The following MYCBP2 variants were observed in gnomAD, a reference collection of about 807,000 sequenced individuals.
MYCBP2 encodes MYC binding protein 2, also known as E3 ubiquitin-protein ligase MYCBP2.
MYCBP2 carries 120 observed loss-of-function variants against 525.3 expected under a neutral mutation model. The observed-to-expected ratio is 0.23, with a 90% CI of 0.20 to 0.27. The LOEUF is 0.27. Ranked by LOEUF, MYCBP2 falls within the 10% of genes least tolerant of loss-of-function variation. MYCBP2 has a pLI of 1.00. For synonymous variants in MYCBP2, 1,894 were observed against 1,955.8 expected (o/e 0.97, Z 0.83); for missense variants, 4,149 against 5,657.1 (o/e 0.73, Z 8.55).
In MYCBP2 at chr13:77,270,548, A is replaced by T. The variant is rs1199896762; in HGVS notation, c.946-10T>A. ...TTAGAATTGTTGGCACCTAATCAAA[A>T]GAGAAGAAAAATAATGAAAAAACAT... On this transcript the variant is annotated splice_polypyrimidine_tract_variant and intron_variant, in intron 5 of 82. Transcript: ENST00000544440. The T allele has an allele frequency of 1.9e-6, 3 of 1,580,504 alleles. No homozygotes were observed.
intron 1 of MYCBP2, among the ~76,000 whole-genome samples, chr13:77,303,612 T>C (rs2079053312): frequency 6.6e-6 from 1 of 151,754 alleles, no homozygotes; most frequent in African/African-American, 2.4e-5. Flanking sequence ...ACAAGACTTC[T>C]AAATAAACTA....
At chr13:77,104,456 T>A (rs1177229399) in intron 55 of MYCBP2, among the ~76,000 whole-genome samples, 2 of 152,046 alleles carry the variant, frequency 1.3e-5, no homozygotes, top group Non-Finnish European at 2.9e-5. Flanking sequence ...TAAGTATACA[T>A]CACATCAGGT....
intron 17 of MYCBP2, among the ~76,000 whole-genome samples, chr13:77,234,221 GTT>G (rs1260403823): frequency 6.6e-6 from 1 of 151,614 alleles, no homozygotes. Flanking sequence ...GTTTCCTTGA[GTT>G]TTAACAACAT....
chr13:77,279,532 T>C (rs1228151463), intron 3 of MYCBP2, among the ~76,000 whole-genome samples: 1 of 152,180 alleles, frequency 6.6e-6, no homozygotes, highest in Admixed American at 6.6e-5. Flanking sequence ...AAATTCCATT[T>C]CTCAGGCAAT....
At position 77,326,937 on chromosome 13, in the gene MYCBP2, T is replaced by C; in HGVS notation, c.-162A>G. ...GACAGCGACCTCCTTCTCCTCCTCC[T>C]TCTTCTCCTCCTCCCCCCCGCGCCG... On this transcript the variant is annotated 5_prime_UTR_variant, in exon 1 of 83. Transcript: ENST00000544440. This position sits in a 1 kb window ranked among gnomAD's most constrained non-coding sequence, Gnocchi z 4.2. 1.7e-6 allele frequency: 1 copy of C among 573,168 alleles called. No individual in the cohort carries two copies. The highest frequency in any genetic ancestry group is 2.7e-6 in the Non-Finnish European group (1 of 373,882). The allele number at this position is 573,168 out of a possible 1,614,324, so 35.5% of individuals were successfully genotyped here. A position where few individuals can be genotyped will look rare whatever the true frequency, so the allele number is the denominator to read the frequency against.
intron 14 of MYCBP2, among the ~76,000 whole-genome samples, chr13:77,256,356 T>C (rs1464076384): frequency 2.6e-5 from 4 of 152,078 alleles, no homozygotes; most frequent in Non-Finnish European, 5.9e-5. Flanking sequence ...TCAAAGATGC[T>C]AAGCCAAAGA....
chr13:77,191,886 C>T (rs2061332933), intron 27 of MYCBP2, 73 bp from the exon 28 acceptor site: 1 of 1,425,114 alleles, frequency 7.0e-7, no homozygotes, highest in Non-Finnish European at 9.6e-7. Context: ...TTTTCAAAAT[C>T]CCTTGTGAAC....
intron 47 of MYCBP2, among the ~76,000 whole-genome samples, chr13:77,146,464 T>A (rs1417319330): frequency 6.7e-6 from 1 of 148,710 alleles, no homozygotes; most frequent in African/African-American, 2.5e-5. Flanking sequence ...ATCTTTTGAG[T>A]ACATTAAAAT....
chr13:77,296,716 A>G (rs2078225853), intron 1 of MYCBP2, 42 bp from the exon 2 acceptor site: 1 of 1,228,546 alleles, frequency 8.1e-7, no homozygotes, highest in Non-Finnish European at 1.1e-6. Context: ...ATGAATGTTC[A>G]TATTAGGACA....
intron 72 of MYCBP2, 45 bp downstream of exon 72, chr13:77,065,947 C>T: frequency 6.9e-7 from 1 of 1,450,180 alleles, no homozygotes; most frequent in Non-Finnish European, 9.6e-7. Flanking sequence ...TTTGTGTCAG[C>T]TTCCTGCCGC....
intron 47 of MYCBP2, among the ~76,000 whole-genome samples, chr13:77,148,855 T>C (rs933143821): frequency 2.0e-5 from 3 of 152,136 alleles, no homozygotes; most frequent in Non-Finnish European, 4.4e-5. Context: ...ATTACTGTTT[T>C]AAATAATTCC....
At chr13:77,238,495 C>T (rs1270150289) in intron 17 of MYCBP2, among the ~76,000 whole-genome samples, 1 of 152,020 alleles carries the variant, frequency 6.6e-6, no homozygotes, top group African/African-American at 2.4e-5. Flanking sequence ...TTCAAGAGCC[C>T]TACTTAAGAA....
chr13:77,140,262 A>G (rs2054399132), intron 50 of MYCBP2, 99 bp from the exon 51 acceptor site: 1 of 668,130 alleles, frequency 1.5e-6, no homozygotes, highest in African/African-American at 1.8e-5. Context: ...AAGTATCGTA[A>G]TTCTTAATAA....
chr13:77,225,616 T>G, intron 18 of MYCBP2, 62 bp from the exon 19 acceptor site: 1 of 1,589,148 alleles, frequency 6.3e-7, no homozygotes, highest in Non-Finnish European at 8.6e-7. Flanking sequence ...AATAAAAATT[T>G]AAATCAGTTT....
intron 4 of MYCBP2, 69 bp from the exon 5 acceptor site, chr13:77,273,737 T>A (rs890653606): frequency 8.3e-6 from 10 of 1,203,136 alleles, no homozygotes; most frequent in Middle Eastern, 2.8e-4. Context: ...TATTTATTTA[T>A]TTTTACTTTG....
chr13:77,321,201 A>G (rs1384073523), intron 1 of MYCBP2, among the ~76,000 whole-genome samples: 1 of 152,260 alleles, frequency 6.6e-6, no homozygotes, highest in African/African-American at 2.4e-5. Flanking sequence ...ATTAAAGGAC[A>G]AAAGTATTTT....
chr13:77,063,586 AC>A (rs2039705532), intron 73 of MYCBP2, among the ~76,000 whole-genome samples: 1 of 149,548 alleles, frequency 6.7e-6, no homozygotes, highest in African/African-American at 2.5e-5. Flanking sequence ...AAAAAAGACA[AC>A]TGTTTTCAGA....
rs777913902 is a variant in MYCBP2 at position 77,098,553 on chromosome 13, T to A, written c.8601A>T (p.Glu2867Asp). 1 of 1,613,664 alleles carries A rather than the reference T, an allele frequency of 6.2e-7. No individual in the cohort carries two copies. The highest frequency in any genetic ancestry group is 8.5e-7 in the Non-Finnish European group (1 of 1,179,806). Residue 2867 changes from glutamate (E) to aspartate (D), a missense_variant, in exon 56 of 83, where the codon GAA (glutamate) becomes GAT (aspartate). By Grantham distance (45) the Glu-to-Asp change is conservative (BLOSUM62 2). Coordinates refer to ENST00000544440, the MANE Select transcript of MYCBP2 (RefSeq NM_015057.5). ...PVKTKLDPPR[E>D]RSKSDSYTLD... is the part of the protein sequence containing the mutation. ...GTGTGTAAGAGTCTGATTTAGAACG[T>A]TCCCGAGGAGGATCAAGCTTTGTCT...
intron 47 of MYCBP2, among the ~76,000 whole-genome samples, chr13:77,146,981 A>G (rs2055693141): frequency 1.3e-5 from 2 of 152,176 alleles, no homozygotes; most frequent in Non-Finnish European, 2.9e-5. Context: ...ATAAGCGTCC[A>G]TCAATGGGAG....
Sources: allele counts gnomAD v4.1 joint callset (sites outside exome capture counted in the v4.1 genomes callset), GRCh38; gene constraint gnomAD v4.1.1; non-coding constraint Gnocchi (gnomAD v3.1); transcripts MANE v1.5; gene names NCBI Gene and HGNC (gene_info 2026-07-23, HGNC 2026-07-21).